The following STXBP4 variants were observed in gnomAD, a reference collection of about 807,000 sequenced individuals.
The protein encoded by STXBP4 is syntaxin-binding protein 4.
In STXBP4, 55 loss-of-function variants were observed where a neutral mutation model predicts 76.1. The observed-to-expected ratio is 0.72, with a 90% confidence interval of 0.58 to 0.91. STXBP4 has a LOEUF of 0.91. STXBP4 is among the 40% of genes least tolerant of loss of function. STXBP4 has a pLI of 0.00. For synonymous variants in STXBP4, 201 were observed against 220.2 expected, an observed-to-expected ratio of 0.91 and a Z score of 0.77; for missense variants, 618 against 636.9, an observed-to-expected ratio of 0.97 and a Z score of 0.32.
chr17:55,087,898 G>T (rs1245727856), intron 16 of STXBP4, among the ~76,000 whole-genome samples: 1 of 152,044 alleles, frequency 6.6e-6, no homozygotes, highest in Admixed American at 6.6e-5. Flanking sequence ...CCTTCCATTT[G>T]TTTATAGCCT....
intron 17 of STXBP4, among the ~76,000 whole-genome samples, chr17:55,154,003 T>C (rs2080246574): frequency 6.6e-6 from 1 of 152,194 alleles, no homozygotes; most frequent in African/African-American, 2.4e-5. Flanking sequence ...TGCTTGACAG[T>C]GATCTAGAGT....
At chr17:55,194,872 A>T in the STXBP4 span, among the ~76,000 whole-genome samples, 2 of 152,194 alleles carry the variant, frequency 1.3e-5, no homozygotes, top group East Asian at 3.8e-4. Flanking sequence ...GATCATTTGA[A>T]CAGTACTCTT....
At chr17:55,202,463 A>G in the STXBP4 span, among the ~76,000 whole-genome samples, 18 of 151,868 alleles carry the variant, frequency 1.2e-4, no homozygotes, top group African/African-American at 4.4e-4. Context: ...ATTTAATTAA[A>G]TGATGTCATT....
At chr17:55,045,569 A>G (rs186971727) in intron 11 of STXBP4, among the ~76,000 whole-genome samples, 2 of 152,220 alleles carry the variant, frequency 1.3e-5, no homozygotes, top group Admixed American at 1.3e-4. Flanking sequence ...TGTATATGTC[A>G]TGTTAATTTA....
intron 3 of STXBP4, 66 bp from the exon 4 acceptor site, chr17:54,990,759 G>C: frequency 1.3e-6 from 2 of 1,507,850 alleles, no homozygotes; most frequent in Non-Finnish European, 1.8e-6. Flanking sequence ...TTAATAAGTA[G>C]TTTAAAGAAA....
intron 1 of STXBP4, among the ~76,000 whole-genome samples, chr17:54,977,477 C>T (rs1213851185): frequency 6.6e-6 from 1 of 152,086 alleles, no homozygotes; most frequent in Non-Finnish European, 1.5e-5. Flanking sequence ...AGAGGATATG[C>T]ATAGGTTATG....
chr17:55,069,381 G>A (rs908017275), intron 12 of STXBP4, among the ~76,000 whole-genome samples: 1 of 152,034 alleles, frequency 6.6e-6, no homozygotes, highest in African/African-American at 2.4e-5. Flanking sequence ...TTCCCTGATG[G>A]GATTTCAGTC....
downstream of STXBP4, among the ~76,000 whole-genome samples, chr17:55,173,966 C>T (rs1346009475): frequency 6.6e-6 from 1 of 152,202 alleles, no homozygotes; most frequent in African/African-American, 2.4e-5. Context: ...AGTCCAGTCC[C>T]TTCATGTACA....
chr17:55,139,113 C>T (rs1465908134), intron 16 of STXBP4, among the ~76,000 whole-genome samples: 1 of 152,056 alleles, frequency 6.6e-6, no homozygotes, highest in African/African-American at 2.4e-5. Context: ...ACCATTGTGA[C>T]TTAAATGCCT....
chr17:55,068,490 G>C (rs1209852984), intron 12 of STXBP4, among the ~76,000 whole-genome samples: 1 of 152,076 alleles, frequency 6.6e-6, no homozygotes, highest in Non-Finnish European at 1.5e-5. Context: ...CTAGAGGAAA[G>C]GGCTTTACAT....
chr17:55,069,153 CAAAAAAA>C (rs991465831), intron 12 of STXBP4, among the ~76,000 whole-genome samples: 15 of 75,828 alleles, frequency 2.0e-4, no homozygotes, highest in East Asian at 4.0e-4. Flanking sequence ...TCAGTGTTGC[CAAAAAAA>C]AAAAAAAAAA....
chr17:55,012,314 G>A (rs748151803), intron 8 of STXBP4, among the ~76,000 whole-genome samples: 1 of 152,124 alleles, frequency 6.6e-6, no homozygotes, highest in Non-Finnish European at 1.5e-5. Flanking sequence ...CTTCTTCTGA[G>A]TACTGGGGCT....
the STXBP4 span, among the ~76,000 whole-genome samples, chr17:55,191,800 A>T: frequency 6.6e-6 from 1 of 152,194 alleles, no homozygotes; most frequent in African/African-American, 2.4e-5. Flanking sequence ...CTGCTCAGAG[A>T]TAGTGCAGAT....
At chr17:55,135,063 A>G (rs963982217) in intron 16 of STXBP4, among the ~76,000 whole-genome samples, 2 of 152,274 alleles carry the variant, frequency 1.3e-5, no homozygotes, top group South Asian at 4.1e-4. Context: ...TGAATTTTGC[A>G]TCTATTGGGA....
At chr17:55,012,326 T>C (rs2541242) in intron 8 of STXBP4, among the ~76,000 whole-genome samples, 120,274 of 152,070 alleles carry the variant, frequency 0.79, 48,206 homozygotes, top group African/African-American at 0.91. Context: ...ACTGGGGCTT[T>C]GTTTCCCGGA....
At chr17:55,125,343 A>G (rs2079897778) in intron 16 of STXBP4, among the ~76,000 whole-genome samples, 1 of 152,114 alleles carries the variant, frequency 6.6e-6, no homozygotes, top group Admixed American at 6.5e-5. Context: ...GTAACATGAG[A>G]CAATTAGAGG....
intron 16 of STXBP4, among the ~76,000 whole-genome samples, chr17:55,126,525 AC>A (rs1212934318): frequency 5.9e-5 from 9 of 152,204 alleles, no homozygotes; most frequent in African/African-American, 1.9e-4. Context: ...AATATTCTAT[AC>A]CATGATTGGG....
intron 16 of STXBP4, among the ~76,000 whole-genome samples, chr17:55,094,187 A>G (rs2079453773): frequency 6.8e-6 from 1 of 146,632 alleles, no homozygotes; most frequent in African/African-American, 2.5e-5. Flanking sequence ...AAAAAAAGCC[A>G]GTGTATCTAA....
At chr17:55,206,572 G>T in the STXBP4 span, among the ~76,000 whole-genome samples, 1 of 152,112 alleles carries the variant, frequency 6.6e-6, no homozygotes, top group Non-Finnish European at 1.5e-5. Flanking sequence ...AAAAGGAGGT[G>T]TCAGCTGAGT....
Sources: gnomAD v4.1 joint callset for allele counts (sites outside exome capture counted in the v4.1 genomes callset) on GRCh38, gnomAD v4.1.1 for gene constraint, MANE v1.5 for transcripts, NCBI Gene and HGNC (gene_info 2026-07-23, HGNC 2026-07-21) for gene names.